The following PCED1B variants were observed in gnomAD, a reference collection of about 807,000 sequenced individuals.
PCED1B encodes PC-esterase domain-containing protein 1B.
For missense variants in PCED1B, 573 were observed against 573.9 expected, an observed-to-expected ratio of 1.00 and a Z score of 0.02; for synonymous variants, 251 against 246.1, an observed-to-expected ratio of 1.02 and a Z score of -0.19.
chr12:47,207,479 G>A (rs1942946934), intron 2 of PCED1B, among the ~76,000 whole-genome samples: 1 of 152,228 alleles, frequency 6.6e-6, no homozygotes, highest in South Asian at 2.1e-4. Context: ...ACTGAGGAAA[G>A]GAAGTGCTCT....
At chr12:47,122,561 A>G (rs749795475) in intron 2 of PCED1B, among the ~76,000 whole-genome samples, 3 of 152,256 alleles carry the variant, frequency 2.0e-5, no homozygotes, top group Non-Finnish European at 2.9e-5. Flanking sequence ...GATATTTAGT[A>G]TGGAAAACTA....
At position 47,090,774 on chromosome 12, in the gene PCED1B, A is replaced by G. The variant is rs568271745; in HGVS notation, c.-609+11049A>G. On this transcript the variant is annotated intron_variant, in intron 1 of 3. Transcript: ENST00000546455. ...CATCCATACTTTTGTATGTAGTTGT[A>G]AATCATTCTTACTGCTACTGATATA... 2.6e-5 allele frequency among the ~76,000 whole-genome samples: 4 copies of G among 152,272 alleles called. No individual in the cohort carries two copies. In the South Asian group the frequency reaches 8.3e-4, roughly 32 times the overall value.
chr12:47,233,545 G>T (rs1943877309), intron 3 of PCED1B, among the ~76,000 whole-genome samples: 1 of 152,162 alleles, frequency 6.6e-6, no homozygotes, highest in South Asian at 2.1e-4. Flanking sequence ...ATAAATGGGG[G>T]GAGCTCATGG....
chr12:47,161,659 T>C (rs1255244776), intron 2 of PCED1B, among the ~76,000 whole-genome samples: 3 of 152,206 alleles, frequency 2.0e-5, no homozygotes, highest in African/African-American at 7.2e-5. Flanking sequence ...TTTTACACCA[T>C]TGGTGGGACT....
intron 3 of PCED1B, among the ~76,000 whole-genome samples, chr12:47,220,262 C>T (rs1346180537): frequency 6.6e-6 from 1 of 152,076 alleles, no homozygotes; most frequent in Non-Finnish European, 1.5e-5. Context: ...ACCTCTGCCT[C>T]CCGGGTTCAA....
intron 1 of PCED1B, among the ~76,000 whole-genome samples, chr12:47,100,289 T>C (rs1022778976): frequency 6.6e-6 from 1 of 152,212 alleles, no homozygotes; most frequent in African/African-American, 2.4e-5. Context: ...TCATATTATG[T>C]TCTTGTCTTT....
intron 2 of PCED1B, among the ~76,000 whole-genome samples, chr12:47,188,137 A>G (rs17097686): frequency 0.03 from 4,562 of 152,170 alleles, 102 homozygotes; most frequent in Middle Eastern, 0.085. Flanking sequence ...TAAAAATTAC[A>G]TGTCTTATCT....
At chr12:47,215,287 C>G (rs1943219469) in intron 2 of PCED1B, among the ~76,000 whole-genome samples, 1 of 146,714 alleles carries the variant, frequency 6.8e-6, no homozygotes, top group Non-Finnish European at 1.5e-5. Context: ...GAGTCTTGCT[C>G]TTGTCACCCT....
chr12:47,205,577 G>C (rs11183795), intron 2 of PCED1B, among the ~76,000 whole-genome samples: 31,306 of 152,154 alleles, frequency 0.21, 4,158 homozygotes, highest in Non-Finnish European at 0.3. Context: ...CCCAGGAATG[G>C]TGTAACAGCT....
intron 2 of PCED1B, among the ~76,000 whole-genome samples, chr12:47,109,663 G>A (rs1326883984): frequency 6.6e-6 from 1 of 152,038 alleles, no homozygotes; most frequent in Admixed American, 6.6e-5. Flanking sequence ...TCTCTATTCA[G>A]TCATGCATTT....
intron 2 of PCED1B, among the ~76,000 whole-genome samples, chr12:47,164,684 G>A (rs1592224916): frequency 6.6e-6 from 1 of 152,208 alleles, no homozygotes; most frequent in African/African-American, 2.4e-5. Context: ...CACCCTTGTG[G>A]CAGGTTTCTG....
intron 2 of PCED1B, among the ~76,000 whole-genome samples, chr12:47,167,417 AG>A: frequency 6.6e-6 from 1 of 152,240 alleles, no homozygotes; most frequent in East Asian, 1.9e-4. Context: ...TCTCTCCAAC[AG>A]TCTTTCCTCA....
At chr12:47,216,005 A>G (rs1943248612) in intron 2 of PCED1B, among the ~76,000 whole-genome samples, 1 of 152,164 alleles carries the variant, frequency 6.6e-6, no homozygotes, top group Non-Finnish European at 1.5e-5. Context: ...ATGAGCCGAG[A>G]CCATGCCACT....
chr12:47,179,010 A>G (rs1942014931), intron 2 of PCED1B, among the ~76,000 whole-genome samples: 1 of 152,234 alleles, frequency 6.6e-6, no homozygotes, highest in African/African-American at 2.4e-5. Context: ...ATTGTCTATC[A>G]TTTTTAACTT....
At chr12:47,105,503 G>A (rs1016663930) in intron 2 of PCED1B, among the ~76,000 whole-genome samples, 1 of 152,188 alleles carries the variant, frequency 6.6e-6, no homozygotes, top group Non-Finnish European at 1.5e-5. Flanking sequence ...TGCAGCATTG[G>A]TAGAAATGGG....
chr12:47,119,072 A>T (rs1039623107), intron 2 of PCED1B, among the ~76,000 whole-genome samples: 7 of 152,204 alleles, frequency 4.6e-5, no homozygotes, highest in African/African-American at 1.4e-4. Context: ...GAGAGTCTAG[A>T]AATAAATCCA....
At chr12:47,106,677 C>T (rs1289540588) in intron 2 of PCED1B, among the ~76,000 whole-genome samples, 1 of 152,214 alleles carries the variant, frequency 6.6e-6, no homozygotes, top group African/African-American at 2.4e-5. Context: ...GACCCATCAG[C>T]CTCACTTCTC....
chr12:47,151,122 CTATA>C (rs997273823), intron 2 of PCED1B, among the ~76,000 whole-genome samples: 4 of 122,418 alleles, frequency 3.3e-5, no homozygotes, highest in Admixed American at 9.5e-5. Flanking sequence ...TATATATACT[CTATA>C]TATAATATAT....
chr12:47,236,023 T>G lies in PCED1B; in HGVS notation c.960T>G (p.Pro320=). The G allele has an allele frequency of 6.2e-7, 1 of 1,609,410 alleles. No individual in the cohort carries two copies. The highest frequency in any genetic ancestry group is 1.1e-5 in the South Asian group (1 of 90,890). Residue 320 remains proline (P), a synonymous_variant, in exon 4 of 4, where the codon CCT becomes CCG. Coordinates refer to ENST00000546455, the MANE Select transcript of PCED1B (RefSeq NM_138371.3). ...TGCTCCCGCTCCTGTCCCCACAGCCTCCTCCTCCCATTCTCCATCACCAGG... is the reference window on the plus strand; with the variant it reads ...TGCTCCCGCTCCTGTCCCCACAGCCGCCTCCTCCCATTCTCCATCACCAGG... The part of the protein sequence containing the change: ...LPLLPLLSPQ[P]PPPILHHQGM...
Sources: gnomAD v4.1 joint callset for allele counts (sites outside exome capture counted in the v4.1 genomes callset) on GRCh38, gnomAD v4.1.1 for gene constraint, MANE v1.5 for transcripts, NCBI Gene and HGNC (gene_info 2026-07-23, HGNC 2026-07-21) for gene names.